ESYT3: variants seen among roughly 807,000 people sequenced by gnomAD.
ESYT3 encodes the protein extended synaptotagmin-3.
ESYT3 carries 101 observed loss-of-function variants against 111.5 expected under a neutral mutation model. That is an observed-to-expected ratio of 0.91 (90% CI 0.77 to 1.07). The LOEUF is 1.07. ESYT3 is among the 50% of genes least tolerant of loss of function. ESYT3 has a pLI of 0.00. For synonymous variants in ESYT3, 416 were observed against 446.8 expected (o/e 0.93, Z 0.87); for missense variants, 1,097 against 1,109.4 (o/e 0.99, Z 0.16).
At chr3:138,461,128 T>G (rs148368935) in intron 7 of ESYT3, among the ~76,000 whole-genome samples, 3 of 152,318 alleles carry the variant, frequency 2.0e-5, no homozygotes, top group African/African-American at 7.2e-5. Flanking sequence ...GGGAGCCTGG[T>G]TCCTCTGCCT....
chr3:138,455,665 C>T (rs2032231874), intron 3 of ESYT3, among the ~76,000 whole-genome samples: 1 of 152,204 alleles, frequency 6.6e-6, no homozygotes, highest in African/African-American at 2.4e-5. Context: ...AGATGGAAAT[C>T]ATAGTTGCTA....
rs969302178 is a variant in ESYT3, at chr3:138,460,153, G to A, written c.738+119G>A. On this transcript the variant is annotated intron_variant, in intron 6 of 22. Coordinates refer to ENST00000389567, the MANE Select transcript of ESYT3 (RefSeq NM_031913.5). ...CATTGTCCCAGCCCACTGAGACCTGGGCAGTCACACTCCTTATCTCATTTA... is the reference window on the plus strand; with the variant it reads ...CATTGTCCCAGCCCACTGAGACCTGAGCAGTCACACTCCTTATCTCATTTA... 27 of 821,784 alleles carry A rather than the reference G, an allele frequency of 3.3e-5. No homozygotes were observed. The South Asian group carries it at 3.7e-4, about 11-fold the overall frequency. The allele number at this position is 821,784 out of a possible 1,614,324, so 50.9% of individuals were successfully genotyped here. A position where few individuals can be genotyped will look rare whatever the true frequency, so the allele number is the denominator to read the frequency against.
chr3:138,468,298 T>C (rs2033038104), intron 12 of ESYT3, 104 bp downstream of exon 12: 2 of 1,061,126 alleles, frequency 1.9e-6, no homozygotes, highest in Non-Finnish European at 2.9e-6. Flanking sequence ...CCCTTCTTGC[T>C]CACCTCCTGA....
rs11268903 is a variant in ESYT3 at position 138,443,736 on chromosome 3, C to CTGTGTGTGTGTGTGTGTG, written c.328-8309_328-8292dup. On this transcript the variant is annotated intron_variant, in intron 1 of 22. Transcript: ENST00000389567. ...TGTCCACACATCTGTGTTTGTGCAT[C>CTGTGTGTGTGTGTGTGTG]TGTGTGTGTGTGTGTGTGTGACATG... Among the ~76,000 whole-genome samples the CTGTGTGTGTGTGTGTGTG allele has an allele frequency of 1.5e-3, 229 of 147,970 alleles. 2 individuals carry two copies. Among genetic ancestry groups the CTGTGTGTGTGTGTGTGTG allele is most frequent in the Middle Eastern group, 7.2e-3 (2 of 278 alleles).
At chr3:138,437,063 G>C (rs550996729) in intron 1 of ESYT3, among the ~76,000 whole-genome samples, 13 of 152,042 alleles carry the variant, frequency 8.6e-5, no homozygotes, top group Non-Finnish European at 1.8e-4. Flanking sequence ...CTGAACTCAA[G>C]AAGGCACCTC....
chr3:138,470,559 A>C, intron 16 of ESYT3: 2 of 1,160,878 alleles, frequency 1.7e-6, no homozygotes, highest in Non-Finnish European at 2.1e-6. Context: ...CAAGTGGTGG[A>C]GCTGGGATCT....
chr3:138,475,508 C>T (rs1460892303), intron 20 of ESYT3, among the ~76,000 whole-genome samples: 1 of 152,154 alleles, frequency 6.6e-6, no homozygotes, highest in Non-Finnish European at 1.5e-5. Flanking sequence ...CACTGTTTTC[C>T]ATGCAACTGT....
chr3:138,462,106 T>C lies in ESYT3; in HGVS notation c.815T>C (p.Leu272Pro). 1 of 1,614,162 alleles carries C rather than the reference T, an allele frequency of 6.2e-7. No individual in the cohort carries two copies. Among genetic ancestry groups the C allele is most frequent in the South Asian group, 1.1e-5 (1 of 91,072 alleles). The part of the protein sequence containing the change: ...PGINDVSDSL[L>P]EDLIATHLVL... ...TCCAGTGATGTGTCAGACAGCTTAC[T>C]GGAGGACCTCATTGCCACCCACCTG... Residue 272 changes from leucine to proline, a missense_variant, in exon 8 of 23, where the codon CTG becomes CCG. By Grantham distance (98) the Leu-to-Pro change is moderately conservative. Coordinates refer to ENST00000389567, the MANE Select transcript of ESYT3 (RefSeq NM_031913.5).
chr3:138,438,142 G>A (rs1374081534), intron 1 of ESYT3, among the ~76,000 whole-genome samples: 1 of 152,234 alleles, frequency 6.6e-6, no homozygotes, highest in African/African-American at 2.4e-5. Flanking sequence ...TGGATGAATG[G>A]ATCTCTTCAT....
rs748984107 is a variant in ESYT3 at position 138,469,405 on chromosome 3, C to T, written c.1435-31C>T. On this transcript the variant is annotated intron_variant, in intron 14 of 22. Coordinates refer to ENST00000389567, the MANE Select transcript of ESYT3 (RefSeq NM_031913.5). ...TCTCAAGCTGATATTGACTATGCCA[C>T]CTTCACTGTTATGGATTTGATTCCT... is the stretch of plus-strand genomic sequence containing the variant. 4.4e-6 allele frequency: 7 copies of T among 1,594,212 alleles called. No homozygotes were observed. In the South Asian group the frequency reaches 6.6e-5, roughly 15 times the overall value.
chr3:138,468,878 C>T lies in ESYT3; in HGVS notation c.1431C>T (p.Ala477=). The change falls in exon 14 of 23, where the codon GCC becomes GCT. Residue 477 remains alanine, a synonymous_variant. Coordinates refer to ENST00000389567, the MANE Select transcript of ESYT3 (RefSeq NM_031913.5). ...EYRAKKLSRF[A]RNKVSKDPSS... is the part of the protein sequence containing the mutation. ...GAGCCAAAAAACTCTCCAGGTTTGC[C>T]AGAGTGAGTGAGTATGTGGCTAAAA... is the stretch of plus-strand genomic sequence containing the variant. The T allele has an allele frequency of 6.2e-7, 1 of 1,614,182 alleles. No individual in the cohort carries two copies. The highest frequency in any genetic ancestry group is 8.5e-7 in the Non-Finnish European group (1 of 1,180,026).
At position 138,478,340 on chromosome 3, in the gene ESYT3, T is replaced by C. The variant is rs2033580216; in HGVS notation, c.*1486T>C. On this transcript the variant is annotated 3_prime_UTR_variant, in exon 23 of 23. Coordinates refer to ENST00000389567, the MANE Select transcript of ESYT3 (RefSeq NM_031913.5). The stretch of plus-strand genomic sequence containing the variant: ...CCGTGTTAAGTACATAGAAGATGCA[T>C]GGTGAAATTCGTTTCTGCTGAGGTT... 6.6e-6 allele frequency: 1 copy of C among 152,190 alleles called. No homozygotes were observed. Among genetic ancestry groups the C allele is most frequent in the African/African-American group, 2.4e-5 (1 of 41,434 alleles). The allele number at this position is 152,190 out of a possible 1,614,324, so 9.4% of individuals were successfully genotyped here.
At chr3:138,471,651 C>A (rs1335577150) in intron 17 of ESYT3, among the ~76,000 whole-genome samples, 1 of 152,150 alleles carries the variant, frequency 6.6e-6, no homozygotes, top group African/African-American at 2.4e-5. Flanking sequence ...TGTTTTATAA[C>A]TTGGATTGCA....
intron 17 of ESYT3, among the ~76,000 whole-genome samples, 176 bp downstream of exon 17, chr3:138,471,202 C>G (rs946174870): frequency 6.6e-6 from 1 of 152,234 alleles, no homozygotes. Context: ...CAAAGAGATA[C>G]AGGCTCTTCA....
rs187897681 is a variant in ESYT3 at position 138,463,098 on chromosome 3, G to T, written c.915+892G>T. On this transcript the variant is annotated intron_variant, in intron 8 of 22. Transcript: ENST00000389567. ...GCATGCTTTTTTTTGGGCGGTGGGTGTGAAGGGAGGTGGTGGCGGGGAGTC... is the reference window on the plus strand; with the variant it reads ...GCATGCTTTTTTTTGGGCGGTGGGTTTGAAGGGAGGTGGTGGCGGGGAGTC... Among the ~76,000 whole-genome samples the T allele has an allele frequency of 3.0e-3, 458 of 152,230 alleles. 2 individuals are homozygous for T. The highest frequency in any genetic ancestry group is 0.01 in the African/African-American group (436 of 41,526).
rs564200085 is a variant in ESYT3 at position 138,476,267 on chromosome 3, T to C, written c.2513T>C (p.Leu838Pro). 6.2e-7 allele frequency: 1 copy of C among 1,614,070 alleles called. No individual in the cohort carries two copies. The highest frequency in any genetic ancestry group is 2.2e-5 in the East Asian group (1 of 44,862). ...VPMEEVKKRS[L>P]DVAVKNSRPL... ...ATGGAAGAAGTAAAGAAGAGGTCAC[T>C]AGATGTTGCAGTGAAAAATAGTAGG... Residue 838 changes from leucine (L) to proline (P), a missense_variant, in exon 21 of 23, where the codon CTA (leucine) becomes CCA (proline). Transcript: ENST00000389567.
rs2031973972 is a variant in ESYT3 at position 138,452,079 on chromosome 3, G to A, written c.359G>A (p.Trp120Ter). 2.5e-6 allele frequency: 4 copies of A among 1,607,774 alleles called. No individual in the cohort carries two copies. The highest frequency in any genetic ancestry group is 3.4e-6 in the Non-Finnish European group (4 of 1,179,784). The change falls in exon 2 of 23, where the codon TGG becomes TAG. Residue 120 changes from tryptophan (W) to a stop codon, truncating the protein, a stop_gained. Transcript: ENST00000389567. LOFTEE classifies it high-confidence loss of function. Reference protein sequence around the residue: ...IHFPDVERVEWANKIISQTWP... With the variant: ...IHFPDVERVE ...TTCCCGGACGTGGAGCGGGTCGAGT[G>A]GGCCAACAAGGTAAGGCCGCTGGCA...
Position 138,476,898 on chromosome 3 carries a change from A to C in ESYT3, c.*44A>C, listed in dbSNP as rs367966885. The C allele has an allele frequency of 8.6e-6, 13 of 1,513,642 alleles. No homozygotes were observed. The highest frequency in any genetic ancestry group is 1.2e-5 in the Non-Finnish European group (13 of 1,111,350). 93.8% of individuals were successfully genotyped at this position (1,513,642 alleles called of 1,614,324 possible). A position where few individuals can be genotyped will look rare whatever the true frequency, so the allele number is the denominator to read the frequency against. ...CTCACCTTTATATTAAAATGTATAT[A>C]TATGTATATATTTTTTCCTTTGGAT... On this transcript the variant is annotated 3_prime_UTR_variant, in exon 23 of 23. Coordinates refer to ENST00000389567, the MANE Select transcript of ESYT3 (RefSeq NM_031913.5).
At chr3:138,457,450 G>T in intron 3 of ESYT3, 118 bp from the exon 4 acceptor site, 2 of 869,810 alleles carry the variant, frequency 2.3e-6, no homozygotes, top group African/African-American at 1.6e-5. Flanking sequence ...TCTGTGCCTC[G>T]TCTTGGAAGT....
Sources: allele counts gnomAD v4.1 joint callset (sites outside exome capture counted in the v4.1 genomes callset), GRCh38; gene constraint gnomAD v4.1.1; transcripts MANE v1.5; gene names NCBI Gene and HGNC (gene_info 2026-07-23, HGNC 2026-07-21).